SLC24A3: variants seen among roughly 807,000 people sequenced by gnomAD.
The protein encoded by SLC24A3 is sodium/potassium/calcium exchanger 3.
In SLC24A3, 28 loss-of-function variants were observed where a neutral mutation model predicts 75.8. The ratio of observed to expected loss-of-function variants is 0.37; its 90% CI spans 0.27 to 0.51. The LOEUF (loss-of-function observed/expected upper bound fraction) is 0.51. Among genes scored for constraint, SLC24A3 ranks in the 20% least tolerant of loss-of-function variants. The probability of loss-of-function intolerance (pLI) is 0.94; values close to 1 mark genes in which losing one functional copy is unlikely to be tolerated. For synonymous variants in SLC24A3, 372 were observed against 334.1 expected (o/e 1.11, Z -1.24); for missense variants, 663 against 847.8 (o/e 0.78, Z 2.71).
chr20:19,256,184 C>A (rs997272881), intron 1 of SLC24A3, among the ~76,000 whole-genome samples: 2 of 152,090 alleles, frequency 1.3e-5, no homozygotes, highest in African/African-American at 4.8e-5. Context: ...CATGCTGCAA[C>A]ATGGATGAAT....
intron 6 of SLC24A3, among the ~76,000 whole-genome samples, chr20:19,609,066 G>A (rs909707471): frequency 6.6e-6 from 1 of 152,126 alleles, no homozygotes; most frequent in Non-Finnish European, 1.5e-5. Flanking sequence ...AAAAAGTCAA[G>A]GATGACAACC....
chr20:19,382,885 C>T (rs1261590397), intron 2 of SLC24A3, among the ~76,000 whole-genome samples: 1 of 152,158 alleles, frequency 6.6e-6, no homozygotes, highest in East Asian at 1.9e-4. Flanking sequence ...CGCCCCATGT[C>T]TCTACGGCAA....
At chr20:19,532,161 C>T (rs950957963) in intron 3 of SLC24A3, among the ~76,000 whole-genome samples, 2 of 152,164 alleles carry the variant, frequency 1.3e-5, no homozygotes, top group Non-Finnish European at 2.9e-5. Flanking sequence ...TTGATCTAGA[C>T]GACGGATCTA....
chr20:19,434,067 G>A (rs1350499998), intron 2 of SLC24A3, among the ~76,000 whole-genome samples: 2 of 152,220 alleles, frequency 1.3e-5, no homozygotes, highest in East Asian at 3.9e-4. Context: ...TCAGCAAGAT[G>A]CAGTATCAGA....
At chr20:19,233,485 TAA>T (rs1432170524) in intron 1 of SLC24A3, among the ~76,000 whole-genome samples, 3 of 152,190 alleles carry the variant, frequency 2.0e-5, no homozygotes, top group African/African-American at 7.2e-5. Flanking sequence ...CAAACTTTTC[TAA>T]GTCATTGGAA....
intron 2 of SLC24A3, among the ~76,000 whole-genome samples, chr20:19,302,096 T>C (rs530944754): frequency 6.6e-6 from 1 of 152,328 alleles, no homozygotes; most frequent in African/African-American, 2.4e-5. Context: ...GGGTAGGACA[T>C]ACAGGAGTTA....
intron 1 of SLC24A3, among the ~76,000 whole-genome samples, chr20:19,262,065 G>A (rs1365007801): frequency 6.6e-6 from 1 of 152,040 alleles, no homozygotes; most frequent in Non-Finnish European, 1.5e-5. Flanking sequence ...TTCCTCCATG[G>A]TGGCAAAATG....
At chr20:19,341,993 A>G (rs981286786) in intron 2 of SLC24A3, among the ~76,000 whole-genome samples, 1 of 152,244 alleles carries the variant, frequency 6.6e-6, no homozygotes, top group Non-Finnish European at 1.5e-5. Context: ...AGTAAATGAG[A>G]TAGCATTAAA....
chr20:19,586,203 G>A (rs1320523472), intron 6 of SLC24A3, among the ~76,000 whole-genome samples: 1 of 152,076 alleles, frequency 6.6e-6, no homozygotes, highest in East Asian at 1.9e-4. Flanking sequence ...GGAGGCTCTG[G>A]GCGACAAGCC....
At chr20:19,391,732 C>T (rs1296858255) in intron 2 of SLC24A3, among the ~76,000 whole-genome samples, 5 of 152,142 alleles carry the variant, frequency 3.3e-5, no homozygotes, top group Admixed American at 1.3e-4. Context: ...GTCTTTGGGA[C>T]GGGCCTTGGC....
chr20:19,438,457 A>C (rs1007556892), intron 2 of SLC24A3, among the ~76,000 whole-genome samples: 2 of 152,170 alleles, frequency 1.3e-5, no homozygotes, highest in Non-Finnish European at 2.9e-5. Flanking sequence ...TATACAGGAC[A>C]TCCCTACATG....
intron 3 of SLC24A3, among the ~76,000 whole-genome samples, chr20:19,534,437 G>A (rs1033945028): frequency 1.2e-4 from 1 of 8,314 alleles, no homozygotes; most frequent in African/African-American, 3.1e-4. Flanking sequence ...TTGTGACGGA[G>A]TCTCGCTCTG....
At chr20:19,681,221 G>C (rs1568696193) in intron 9 of SLC24A3, among the ~76,000 whole-genome samples, 1 of 152,158 alleles carries the variant, frequency 6.6e-6, no homozygotes, top group Non-Finnish European at 1.5e-5. Flanking sequence ...GATCATTCTG[G>C]AGGATAATAG....
At chr20:19,417,263 G>A (rs889005959) in intron 2 of SLC24A3, among the ~76,000 whole-genome samples, 3 of 152,282 alleles carry the variant, frequency 2.0e-5, no homozygotes, top group African/African-American at 7.2e-5. Flanking sequence ...TTGCAGTAGT[G>A]TAGAAAATAG....
At chr20:19,361,825 G>A (rs770793202) in intron 2 of SLC24A3, among the ~76,000 whole-genome samples, 9 of 152,136 alleles carry the variant, frequency 5.9e-5, no homozygotes, top group Non-Finnish European at 1.3e-4. Flanking sequence ...TCTAGGTGCT[G>A]GGTAACATTT....
chr20:19,618,039 G>A (rs1286288548), intron 6 of SLC24A3, among the ~76,000 whole-genome samples: 1 of 151,072 alleles, frequency 6.6e-6, no homozygotes, highest in African/African-American at 2.4e-5. Flanking sequence ...TCTCCTCCTA[G>A]CATTTCCACG....
intron 3 of SLC24A3, among the ~76,000 whole-genome samples, chr20:19,531,904 T>C (rs764876274): frequency 6.6e-6 from 1 of 152,170 alleles, no homozygotes; most frequent in African/African-American, 2.4e-5. Context: ...AGAGGTTAAA[T>C]GAGTTGCCCC....
At chr20:19,700,001 T>C (rs1392680860) in intron 15 of SLC24A3, among the ~76,000 whole-genome samples, 1 of 152,126 alleles carries the variant, frequency 6.6e-6, no homozygotes, top group African/African-American at 2.4e-5. Flanking sequence ...ATGTCATCAA[T>C]TGTAGCATCC....
At chr20:19,289,991 G>T (rs1983899938) in intron 2 of SLC24A3, among the ~76,000 whole-genome samples, 1 of 152,192 alleles carries the variant, frequency 6.6e-6, no homozygotes, top group African/African-American at 2.4e-5. Flanking sequence ...AATCTGGGTT[G>T]CCAGGTGGGC....
Sources: allele counts gnomAD v4.1 joint callset (sites outside exome capture counted in the v4.1 genomes callset), GRCh38; gene constraint gnomAD v4.1.1; transcripts MANE v1.5; gene names NCBI Gene and HGNC (gene_info 2026-07-23, HGNC 2026-07-21).